Variants in SLC24A2 observed in about 807,000 individuals in gnomAD.
SLC24A2 encodes sodium/potassium/calcium exchanger 2.
Under a neutral mutation model 62.0 loss-of-function variants are expected in SLC24A2, and 36 were observed. That is an observed-to-expected ratio of 0.58 (90% CI 0.44 to 0.77). The LOEUF is 0.77. Ranked by LOEUF, SLC24A2 falls within the 30% of genes least tolerant of loss-of-function variation. SLC24A2 has a pLI of 0.00. For synonymous variants in SLC24A2, 358 were observed against 294.0 expected, an observed-to-expected ratio of 1.22 and a Z score of -2.23; for missense variants, 846 against 817.9, an observed-to-expected ratio of 1.03 and a Z score of -0.42.
the SLC24A2 span, among the ~76,000 whole-genome samples, chr9:19,955,507 T>A: frequency 6.6e-6 from 1 of 151,980 alleles, no homozygotes; most frequent in East Asian, 1.9e-4. Context: ...CTCTAAGATC[T>A]CTCTATGGAA....
At chr9:20,071,362 A>G in the SLC24A2 span, among the ~76,000 whole-genome samples, 3,680 of 152,262 alleles carry the variant, frequency 0.024, 147 homozygotes, top group African/African-American at 0.083. Context: ...ATTCATTTCC[A>G]TCATTACTAC....
chr9:20,194,149 C>A, the SLC24A2 span, among the ~76,000 whole-genome samples: 64,080 of 151,732 alleles, frequency 0.42, 16,322 homozygotes, highest in Non-Finnish European at 0.59. Flanking sequence ...CTGGACAAAT[C>A]AAGGATTTAG....
chr9:20,210,832 G>T, the SLC24A2 span, among the ~76,000 whole-genome samples: 1 of 150,706 alleles, frequency 6.6e-6, no homozygotes, highest in African/African-American at 2.4e-5. Flanking sequence ...CGTGAACGGT[G>T]CCAAGGGATG....
chr9:19,985,078 A>G, the SLC24A2 span, among the ~76,000 whole-genome samples: 2 of 152,242 alleles, frequency 1.3e-5, no homozygotes, highest in Non-Finnish European at 2.9e-5. Context: ...AAGACTGACA[A>G]TAACAAATAT....
rs531856650 is a variant in SLC24A2, at chr9:19,665,296, G to T, written c.931-42997C>A. 3.3e-5 allele frequency among the ~76,000 whole-genome samples: 5 copies of T among 152,306 alleles called. No homozygotes were observed. In the South Asian group the frequency reaches 1.0e-3, roughly 32 times the overall value. ...CGCTCACTGGTGGCAGTGGAGATGA[G>T]AAGAAACTGATGACTTTGAGAGGTG... On this transcript the variant is annotated intron_variant, in intron 2 of 10. Transcript: ENST00000341998.
the SLC24A2 span, among the ~76,000 whole-genome samples, chr9:19,804,334 A>C: frequency 6.6e-6 from 1 of 152,102 alleles, no homozygotes; most frequent in Non-Finnish European, 1.5e-5. Flanking sequence ...AAATTTTTTA[A>C]ATGAATATAT....
the SLC24A2 span, among the ~76,000 whole-genome samples, chr9:20,292,457 G>C: frequency 6.6e-6 from 1 of 152,156 alleles, no homozygotes; most frequent in East Asian, 1.9e-4. Flanking sequence ...ATTCACTTGA[G>C]AACTTAAAGT....
chr9:19,850,384 C>G, the SLC24A2 span, among the ~76,000 whole-genome samples: 1 of 152,052 alleles, frequency 6.6e-6, no homozygotes, highest in Non-Finnish European at 1.5e-5. Context: ...ATCTAGATAA[C>G]AAACTTTTTA....
the SLC24A2 span, among the ~76,000 whole-genome samples, chr9:20,300,052 T>G: frequency 6.6e-6 from 1 of 152,218 alleles, no homozygotes; most frequent in Non-Finnish European, 1.5e-5. Context: ...ATATAGAAGA[T>G]GGATAGGTAG....
chr9:19,689,185 T>C (rs1309199402), intron 2 of SLC24A2, among the ~76,000 whole-genome samples: 1 of 152,138 alleles, frequency 6.6e-6, no homozygotes, highest in South Asian at 2.1e-4. Flanking sequence ...GTGGCCTAAG[T>C]TGTAAATGGT....
intron 2 of SLC24A2, among the ~76,000 whole-genome samples, chr9:19,728,051 A>T (rs1264863764): frequency 1.3e-5 from 2 of 152,138 alleles, no homozygotes; most frequent in African/African-American, 4.8e-5. Flanking sequence ...CCAGGTAAGG[A>T]AGTGGGGACT....
At chr9:20,153,208 T>G in the SLC24A2 span, among the ~76,000 whole-genome samples, 2 of 151,886 alleles carry the variant, frequency 1.3e-5, no homozygotes, top group Admixed American at 6.6e-5. Context: ...ATTTTTGTTC[T>G]TTGGTTTGAA....
At chr9:20,257,322 A>G in the SLC24A2 span, among the ~76,000 whole-genome samples, 2 of 152,246 alleles carry the variant, frequency 1.3e-5, no homozygotes, top group African/African-American at 2.4e-5. Flanking sequence ...GAAACACTCA[A>G]TCTCTAGAAA....
the SLC24A2 span, among the ~76,000 whole-genome samples, chr9:20,033,389 T>A: frequency 3.3e-5 from 5 of 152,338 alleles, no homozygotes; most frequent in Admixed American, 3.3e-4. Flanking sequence ...AATAGGGATG[T>A]AATACCTAAT....
chr9:19,777,130 T>C (rs2118913402), intron 2 of SLC24A2, among the ~76,000 whole-genome samples: 1 of 152,340 alleles, frequency 6.6e-6, no homozygotes, highest in Non-Finnish European at 1.5e-5. Context: ...AAGTTAGTGA[T>C]TCTCAGCATA....
At chr9:20,117,787 C>G in the SLC24A2 span, among the ~76,000 whole-genome samples, 1 of 152,064 alleles carries the variant, frequency 6.6e-6, no homozygotes, top group African/African-American at 2.4e-5. Flanking sequence ...TATTATGTGT[C>G]AAAACTTATG....
intron 2 of SLC24A2, among the ~76,000 whole-genome samples, chr9:19,751,768 T>C (rs144741799): frequency 3.3e-5 from 5 of 152,278 alleles, no homozygotes; most frequent in African/African-American, 9.6e-5. Context: ...GATAGGACCA[T>C]GGCTCTTTCT....
At chr9:20,092,389 T>C in the SLC24A2 span, among the ~76,000 whole-genome samples, 5 of 152,206 alleles carry the variant, frequency 3.3e-5, no homozygotes, top group Middle Eastern at 3.2e-3. Flanking sequence ...TGGCTTTGAA[T>C]GCAGCCCAAC....
At chr9:19,563,949 G>A (rs1443457997) in intron 7 of SLC24A2, among the ~76,000 whole-genome samples, 1 of 150,776 alleles carries the variant, frequency 6.6e-6, no homozygotes, top group African/African-American at 2.4e-5. Flanking sequence ...TGCCTCCTGG[G>A]CTCAAGTGAT....
Sources: allele counts gnomAD v4.1 joint callset (sites outside exome capture counted in the v4.1 genomes callset), GRCh38; gene constraint gnomAD v4.1.1; transcripts MANE v1.5; gene names NCBI Gene and HGNC (gene_info 2026-07-23, HGNC 2026-07-21).